Variants in GAGE10 observed in about 807,000 individuals in gnomAD.
GAGE10 encodes the protein G antigen 10.
A neutral mutation model predicts 11.5 loss-of-function variants in GAGE10; 9 were observed. The ratio of observed to expected loss-of-function variants is 0.78; its 90% CI spans 0.47 to 1.37. GAGE10 has a LOEUF of 1.37. GAGE10 is among the 40% of genes most tolerant of loss of function. The pLI is 0.00. For missense variants in GAGE10, 83 were observed against 92.9 expected (o/e 0.89, Z 0.44); for synonymous variants, 23 against 29.7 (o/e 0.77, Z 0.73).
chrX:49,312,123 C>T (rs1162362149), intron 3 of GAGE10, among the ~76,000 whole-genome samples: 3 of 111,849 alleles, frequency 2.7e-5, no homozygotes, highest in Non-Finnish European at 3.8e-5. Flanking sequence ...GTGAACGAGC[C>T]GGGAAGATCT....
intron 3 of GAGE10, among the ~76,000 whole-genome samples, chrX:49,316,146 G>A (rs1557125199): frequency 8.9e-6 from 1 of 111,881 alleles, no homozygotes; most frequent in African/African-American, 3.3e-5. Context: ...AGAAAGAGCT[G>A]GAGTCCTTTA....
At chrX:49,304,603 C>A (rs1273710986) in intron 1 of GAGE10, among the ~76,000 whole-genome samples, 2 of 112,069 alleles carry the variant, frequency 1.8e-5, no homozygotes, top group African/African-American at 6.5e-5. Context: ...ACTGCGGGAC[C>A]AAAAGAAATT....
At chrX:49,317,590 CACTTA>C (rs1284776148) in intron 4 of GAGE10, among the ~76,000 whole-genome samples, 7 of 111,089 alleles carry the variant, frequency 6.3e-5, no homozygotes, top group South Asian at 3.8e-4. Flanking sequence ...TCAGGTGATC[CACTTA>C]ACTTAACCTT....
chrX:49,310,505 A>C (rs1237948345), intron 3 of GAGE10, among the ~76,000 whole-genome samples: 5 of 111,727 alleles, frequency 4.5e-5, no homozygotes, highest in Non-Finnish European at 7.5e-5. Context: ...TAAATGTCAA[A>C]AGAGTAAGGA....
chrX:49,315,710 C>T (rs1344613975), intron 3 of GAGE10, among the ~76,000 whole-genome samples: 1 of 112,335 alleles, frequency 8.9e-6, no homozygotes, highest in African/African-American at 3.2e-5. Flanking sequence ...AGCTAGAATG[C>T]GCAAGTTGGC....
chrX:49,317,416 C>G, intron 4 of GAGE10, 128 bp downstream of exon 4: 1 of 1,013,393 alleles, frequency 9.9e-7, no homozygotes, highest in Non-Finnish European at 1.3e-6. Flanking sequence ...GGTGGCATCT[C>G]GGCTCATTGG....
intron 3 of GAGE10, among the ~76,000 whole-genome samples, chrX:49,310,760 C>CCG (rs1439705351): frequency 1.8e-5 from 2 of 110,534 alleles, no homozygotes; most frequent in Admixed American, 9.6e-5. Flanking sequence ...ATTAGCCCCC[C>CCG]CCCACAAAGA....
At chrX:49,316,798 G>A (rs1358790843) in intron 3 of GAGE10, among the ~76,000 whole-genome samples, 1 of 110,979 alleles carries the variant, frequency 9.0e-6, no homozygotes, top group Non-Finnish European at 1.9e-5. Context: ...AGCATTTATT[G>A]CTGGCTAGTC....
intron 3 of GAGE10, among the ~76,000 whole-genome samples, chrX:49,308,700 C>T (rs2066365636): frequency 8.9e-6 from 1 of 111,938 alleles, no homozygotes; most frequent in African/African-American, 3.3e-5. Context: ...GCAAGTGCAG[C>T]AAGGAAGAGC....
intron 3 of GAGE10, among the ~76,000 whole-genome samples, chrX:49,315,199 G>C (rs1456657597): frequency 8.9e-6 from 1 of 112,115 alleles, no homozygotes; most frequent in Non-Finnish European, 1.9e-5. Flanking sequence ...TGGCTAAATG[G>C]ACAGGGGCGT....
chrX:49,311,271 G>A (rs2066375719), intron 3 of GAGE10, among the ~76,000 whole-genome samples: 1 of 112,137 alleles, frequency 8.9e-6, no homozygotes, highest in Non-Finnish European at 1.9e-5. Context: ...TATGAACATA[G>A]GATTATAGTG....
chrX:49,316,938 T>G lies in GAGE10; in HGVS notation c.203-225T>G, dbSNP rs1300693832. ...AAGTGCAAAGGAGGCAGCAGAGTTG[T>G]CTGAGGGCAGTCTCTGGAAAGGAAG... On this transcript the variant is annotated intron_variant, in intron 3 of 4. Coordinates refer to ENST00000407599, the MANE Select transcript of GAGE10 (RefSeq NM_001098413.4). Among the ~76,000 whole-genome samples, 26 of 111,059 alleles carry G rather than the reference T, an allele frequency of 2.3e-4. No homozygotes were observed. The Admixed American group carries it at 2.4e-3, about 10-fold the overall frequency.
intron 3 of GAGE10, among the ~76,000 whole-genome samples, chrX:49,316,122 TC>T (rs1316681202): frequency 9.0e-6 from 1 of 111,608 alleles, no homozygotes; most frequent in Non-Finnish European, 1.9e-5. Flanking sequence ...AAAACCCAAC[TC>T]CCCCTGAGGA....
In GAGE10 at chrX:49,317,162, T is replaced by G. The variant is rs146012937; in HGVS notation, c.203-1T>G. 2.6e-3 allele frequency: 3,111 copies of G among 1,200,262 alleles called. 8 individuals carry two copies. Among genetic ancestry groups the G allele is most frequent in the Non-Finnish European group, 2.9e-3 (2,583 of 888,971 alleles). ...ATTGATATGTATTTTTTATTTTTAA[T>G]GGCCGAAGCCTGAAGCTGATAGCCA... is the stretch of plus-strand genomic sequence containing the variant. On this transcript the variant is annotated splice_acceptor_variant, in intron 3 of 4. Transcript: ENST00000407599. LOFTEE classifies it high-confidence loss of function.
At chrX:49,312,871 A>C (rs1389916516) in intron 3 of GAGE10, among the ~76,000 whole-genome samples, 1 of 112,544 alleles carries the variant, frequency 8.9e-6, no homozygotes, top group Admixed American at 9.3e-5. Flanking sequence ...GCTCTCTGCC[A>C]TCGCCCATGC....
At chrX:49,308,017 G>C (rs2066363411) in intron 3 of GAGE10, among the ~76,000 whole-genome samples, 1 of 112,066 alleles carries the variant, frequency 8.9e-6, no homozygotes, top group South Asian at 3.7e-4. Flanking sequence ...GGTAAAACAT[G>C]TTGTTCCTTG....
At chrX:49,311,373 C>T (rs1557124725) in intron 3 of GAGE10, among the ~76,000 whole-genome samples, 1 of 112,225 alleles carries the variant, frequency 8.9e-6, no homozygotes, top group Non-Finnish European at 1.9e-5. Context: ...AGGGACAAGG[C>T]AAAAGTCTGT....
intron 3 of GAGE10, among the ~76,000 whole-genome samples, chrX:49,306,362 C>T (rs2066356847): frequency 8.9e-6 from 1 of 111,925 alleles, no homozygotes; most frequent in African/African-American, 3.2e-5. Context: ...CTGTGATTCA[C>T]AAACAATGTT....
chrX:49,311,680 G>A (rs1375303960), intron 3 of GAGE10, among the ~76,000 whole-genome samples: 9 of 112,506 alleles, frequency 8.0e-5, no homozygotes, highest in African/African-American at 2.9e-4. Flanking sequence ...CGCTAGGGTT[G>A]CCAGATGTAA....
Sources: gnomAD v4.1 joint callset for allele counts (sites outside exome capture counted in the v4.1 genomes callset) on GRCh38, gnomAD v4.1.1 for gene constraint, MANE v1.5 for transcripts, NCBI Gene and HGNC (gene_info 2026-07-23, HGNC 2026-07-21) for gene names.